The following UBE2K variants were observed in gnomAD, a reference collection of about 807,000 sequenced individuals.
The protein encoded by UBE2K is ubiquitin-conjugating enzyme E2 K.
A neutral mutation model predicts 30.0 loss-of-function variants in UBE2K; 6 were observed. That is an observed-to-expected ratio of 0.20 (90% CI 0.11 to 0.39). UBE2K has a LOEUF of 0.39. Ranked by LOEUF, UBE2K falls within the 10% of genes least tolerant of loss-of-function variation. UBE2K has a pLI of 1.00. For synonymous variants in UBE2K, 86 were observed against 83.7 expected (o/e 1.03, Z -0.15); for missense variants, 61 against 241.6 (o/e 0.25, Z 4.96).
chr4:39,781,932 T>A lies in UBE2K; in HGVS notation c.*3498T>A. 3 of 398,486 alleles carry A rather than the reference T, an allele frequency of 7.5e-6. No individual in the cohort carries two copies. Among genetic ancestry groups the A allele is most frequent in the Non-Finnish European group, 1.3e-5 (3 of 225,938 alleles). The allele number at this position is 398,486 out of a possible 1,614,324, so 24.7% of individuals were successfully genotyped here. A position where few individuals can be genotyped will look rare whatever the true frequency, so the allele number is the denominator to read the frequency against. On this transcript the variant is annotated 3_prime_UTR_variant, in exon 7 of 7. Transcript: ENST00000261427. ...CTGGGAAGAAGGCAACTTGAAGTAT[T>A]TACTGATAAAATAGCCTTTATTCCC...
At position 39,779,042 on chromosome 4, in the gene UBE2K, A is replaced by ACCCCCCCCCCCCCCCCCCCTCCCC. The variant is rs3839130; in HGVS notation, c.*616_*617insCCCCCCCCCCCTCCCCCCCCCCCC. Reference sequence around the variant, plus strand: ...TGGGACAGTGTCTGATTCCCCCTTCACCCCCCCCACCCCCGCCTTGCCACA... The same window carrying ACCCCCCCCCCCCCCCCCCCTCCCC: ...TGGGACAGTGTCTGATTCCCCCTTCACCCCCCCCCCCCCCCCCCCTCCCCCCCCCCCCACCCCCGCCTTGCCACA... On this transcript the variant is annotated 3_prime_UTR_variant, in exon 7 of 7. Coordinates refer to ENST00000261427, the MANE Select transcript of UBE2K (RefSeq NM_005339.5). 4 of 128,222 alleles carry ACCCCCCCCCCCCCCCCCCCTCCCC rather than the reference A, an allele frequency of 3.1e-5. No individual in the cohort carries two copies. Among genetic ancestry groups the ACCCCCCCCCCCCCCCCCCCTCCCC allele is most frequent in the South Asian group, 2.5e-4 (1 of 4,008 alleles). 7.9% of individuals were successfully genotyped at this position (128,222 alleles called of 1,614,324 possible).
chr4:39,776,511 ACT>A (rs1430806389), intron 5 of UBE2K, among the ~76,000 whole-genome samples: 9 of 151,772 alleles, frequency 5.9e-5, no homozygotes, highest in African/African-American at 2.2e-4. Context: ...CATGATCTGA[ACT>A]CTGCTTTATT....
At position 39,779,891 on chromosome 4, in the gene UBE2K, C is replaced by T. The variant is rs751465781; in HGVS notation, c.*1457C>T. On this transcript the variant is annotated 3_prime_UTR_variant, in exon 7 of 7. Transcript: ENST00000261427. The stretch of plus-strand genomic sequence containing the variant: ...AGTGTTATTTATCTTAAATTATAAT[C>T]GTTAAATGTTTGGAAGATAATTTTT... 1 of 152,058 alleles carries T rather than the reference C, an allele frequency of 6.6e-6. No homozygotes were observed. Among genetic ancestry groups the T allele is most frequent in the Non-Finnish European group, 1.5e-5 (1 of 68,002 alleles). 9.4% of individuals were successfully genotyped at this position (152,058 alleles called of 1,614,324 possible). A position where few individuals can be genotyped will look rare whatever the true frequency, so the allele number is the denominator to read the frequency against.
chr4:39,726,283 A>G (rs1719746907), intron 1 of UBE2K, among the ~76,000 whole-genome samples: 1 of 152,202 alleles, frequency 6.6e-6, no homozygotes, highest in African/African-American at 2.4e-5. Flanking sequence ...GGCGTGAGCC[A>G]TCGTGCCTGG....
chr4:39,730,080 T>C (rs1719986826), intron 1 of UBE2K, among the ~76,000 whole-genome samples: 1 of 152,262 alleles, frequency 6.6e-6, no homozygotes, highest in Non-Finnish European at 1.5e-5. Context: ...TCTGTTATAA[T>C]GCCTTGCAAA....
intron 2 of UBE2K, among the ~76,000 whole-genome samples, chr4:39,744,934 A>G (rs1720909505): frequency 1.3e-5 from 2 of 150,094 alleles, no homozygotes; most frequent in South Asian, 4.2e-4. Flanking sequence ...ATTAAATAAA[A>G]TAAATAAATA....
intron 1 of UBE2K, among the ~76,000 whole-genome samples, chr4:39,726,605 G>T (rs1719765477): frequency 6.6e-6 from 1 of 151,874 alleles, no homozygotes; most frequent in African/African-American, 2.4e-5. Context: ...CTGTTTGTTT[G>T]TTTGTTGTTT....
At chr4:39,706,138 A>C (rs956176176) in intron 1 of UBE2K, among the ~76,000 whole-genome samples, 8 of 151,868 alleles carry the variant, frequency 5.3e-5, no homozygotes, top group African/African-American at 9.7e-5. Flanking sequence ...CAGCCTCCTG[A>C]GTAGCTGGGA....
In UBE2K at chr4:39,753,349, G is replaced by GC. The variant is rs1186764959; in HGVS notation, c.217-2308_217-2307insC. On this transcript the variant is annotated intron_variant, in intron 3 of 6. Coordinates refer to ENST00000261427, the MANE Select transcript of UBE2K (RefSeq NM_005339.5). ...GAGCCACAGCAGTGAGACCTTCTCT[G>GC]GGGGGGAAAAAAGGGAGAAATGTTT... Among the ~76,000 whole-genome samples the GC allele has an allele frequency of 7.0e-3, 1,046 of 149,114 alleles. 13 individuals carry two copies. The highest frequency in any genetic ancestry group is 0.024 in the African/African-American group (988 of 41,104).
intron 1 of UBE2K, among the ~76,000 whole-genome samples, chr4:39,709,517 C>G (rs895131325): frequency 2.6e-5 from 4 of 152,132 alleles, no homozygotes; most frequent in African/African-American, 9.6e-5. Flanking sequence ...ATTCACGTAA[C>G]TTTCATTACA....
chr4:39,756,867 C>T (rs1721540071), intron 4 of UBE2K, among the ~76,000 whole-genome samples: 1 of 151,984 alleles, frequency 6.6e-6, no homozygotes, highest in South Asian at 2.1e-4. Flanking sequence ...TATAACAGAA[C>T]AAAATAGAAC....
intron 4 of UBE2K, chr4:39,761,178 C>A (rs1048709904): frequency 2.0e-5 from 3 of 152,040 alleles, no homozygotes; most frequent in Admixed American, 6.6e-5. Flanking sequence ...CCTAAGGAGA[C>A]GTGAACCAGA....
chr4:39,762,313 T>C (rs953733588), intron 4 of UBE2K, among the ~76,000 whole-genome samples: 2 of 152,134 alleles, frequency 1.3e-5, no homozygotes, highest in African/African-American at 4.8e-5. Context: ...CCTTCCACCT[T>C]GGCCTCCTGA....
chr4:39,706,488 T>TC (rs1044672868), intron 1 of UBE2K, among the ~76,000 whole-genome samples: 3 of 150,518 alleles, frequency 2.0e-5, no homozygotes, highest in Admixed American at 6.6e-5. Flanking sequence ...TTTTTTTTTT[T>TC]CCCAGATGGA....
intron 4 of UBE2K, among the ~76,000 whole-genome samples, chr4:39,759,776 G>A (rs866453875): frequency 1.4e-4 from 21 of 152,262 alleles, no homozygotes; most frequent in Middle Eastern, 3.4e-3. Flanking sequence ...GGTCGATAAG[G>A]TATGCTCAGC....
chr4:39,724,692 C>T (rs565953763), intron 1 of UBE2K, among the ~76,000 whole-genome samples: 1 of 151,452 alleles, frequency 6.6e-6, no homozygotes, highest in Admixed American at 6.6e-5. Flanking sequence ...ATCACTTTAG[C>T]CCCGGAGGCA....
intron 1 of UBE2K, among the ~76,000 whole-genome samples, chr4:39,704,501 G>A (rs923798990): frequency 2.0e-5 from 3 of 151,842 alleles, no homozygotes; most frequent in Non-Finnish European, 4.4e-5. Flanking sequence ...TGTCCATTGG[G>A]CGTAGGTTTA....
intron 4 of UBE2K, chr4:39,770,438 C>G: frequency 6.2e-7 from 1 of 1,612,058 alleles, no homozygotes. Flanking sequence ...CGCCCTGGAA[C>G]ACTTCCGGGC....
At chr4:39,723,922 C>G (rs963767927) in intron 1 of UBE2K, among the ~76,000 whole-genome samples, 1 of 151,786 alleles carries the variant, frequency 6.6e-6, no homozygotes, top group East Asian at 2.0e-4. Context: ...AAGCGATTCT[C>G]CTGCCTCAGC....
Sources: allele counts gnomAD v4.1 joint callset (sites outside exome capture counted in the v4.1 genomes callset), GRCh38; gene constraint gnomAD v4.1.1; transcripts MANE v1.5; gene names NCBI Gene and HGNC (gene_info 2026-07-23, HGNC 2026-07-21).